Variants in SYNPO observed in about 807,000 individuals in gnomAD.
The protein encoded by SYNPO is synaptopodin.
SYNPO carries 19 observed loss-of-function variants against 49.5 expected under a neutral mutation model. That is an observed-to-expected ratio of 0.38 (90% CI 0.27 to 0.56). The LOEUF is 0.56. Among genes scored for constraint, SYNPO ranks in the 20% least tolerant of loss-of-function variants. The pLI is 0.68. For missense variants in SYNPO, 1,131 were observed against 1,248.3 expected, an observed-to-expected ratio of 0.91 and a Z score of 1.42; for synonymous variants, 536 against 548.0, an observed-to-expected ratio of 0.98 and a Z score of 0.31.
At chr5:150,621,014 A>T (rs1327060458) in intron 2 of SYNPO, among the ~76,000 whole-genome samples, 2 of 136,032 alleles carry the variant, frequency 1.5e-5, no homozygotes, top group Non-Finnish European at 1.5e-5. Context: ...GTGCAGTGGC[A>T]TGATCTCGGC....
chr5:150,603,975 C>T (rs1756622617), intron 1 of SYNPO, among the ~76,000 whole-genome samples: 1 of 152,212 alleles, frequency 6.6e-6, no homozygotes, highest in Non-Finnish European at 1.5e-5. Flanking sequence ...AGTTGGGCTT[C>T]CTGGAGATGG....
chr5:150,613,895 C>G (rs1299836778), intron 1 of SYNPO, among the ~76,000 whole-genome samples: 1 of 152,218 alleles, frequency 6.6e-6, no homozygotes, highest in Non-Finnish European at 1.5e-5. Context: ...CACTCCCTTT[C>G]CCTTCTTCTA....
At chr5:150,615,540 C>T (rs1385357401) in intron 1 of SYNPO, among the ~76,000 whole-genome samples, 1 of 152,216 alleles carries the variant, frequency 6.6e-6, no homozygotes, top group East Asian at 1.9e-4. Flanking sequence ...CACAGTTGGA[C>T]GGATCCTCCA....
upstream of SYNPO, among the ~76,000 whole-genome samples, chr5:150,600,815 C>T (rs1756507908): frequency 6.6e-6 from 1 of 152,030 alleles, no homozygotes; most frequent in African/African-American, 2.4e-5. Flanking sequence ...GGGGCTTTTT[C>T]TTCAGGTTTT....
At chr5:150,628,979 C>T (rs542659296) in intron 2 of SYNPO, among the ~76,000 whole-genome samples, 4 of 152,280 alleles carry the variant, frequency 2.6e-5, no homozygotes, top group East Asian at 3.9e-4. Flanking sequence ...GTATAAGTTA[C>T]TTTTTGATGT....
intron 1 of SYNPO, chr5:150,618,070 C>T (rs748780689): frequency 2.4e-4 from 72 of 300,544 alleles, no homozygotes; most frequent in Non-Finnish European, 3.4e-4. Flanking sequence ...CGAGCTTTCT[C>T]ATGTGCTGTT....
chr5:150,596,287 C>A (rs1756423234), upstream of SYNPO, among the ~76,000 whole-genome samples: 1 of 152,122 alleles, frequency 6.6e-6, no homozygotes, highest in South Asian at 2.1e-4. Flanking sequence ...AGATAGGAGA[C>A]CTGGAATTCT....
upstream of SYNPO, among the ~76,000 whole-genome samples, chr5:150,600,694 G>A (rs1309611559): frequency 6.6e-6 from 1 of 152,134 alleles, no homozygotes; most frequent in African/African-American, 2.4e-5. Context: ...CGGGTGGTGG[G>A]AAGTGCTGTG....
chr5:150,605,880 G>T (rs1187812727), intron 1 of SYNPO, among the ~76,000 whole-genome samples: 1 of 151,506 alleles, frequency 6.6e-6, no homozygotes, highest in Non-Finnish European at 1.5e-5. Flanking sequence ...AATACACACA[G>T]ACAGATATAC....
chr5:150,635,714 C>T (rs1480181131), upstream of SYNPO, among the ~76,000 whole-genome samples: 3 of 152,166 alleles, frequency 2.0e-5, no homozygotes, highest in Admixed American at 6.5e-5. Flanking sequence ...CTGCCCGCCT[C>T]GGCCTCCCAA....
chr5:150,613,609 G>A (rs1756908349), intron 1 of SYNPO, among the ~76,000 whole-genome samples: 1 of 152,154 alleles, frequency 6.6e-6, no homozygotes, highest in Non-Finnish European at 1.5e-5. Context: ...CCACACTCTA[G>A]GACAATGGAT....
At chr5:150,634,157 G>A (rs1185821593) in intron 2 of SYNPO, among the ~76,000 whole-genome samples, 2 of 152,100 alleles carry the variant, frequency 1.3e-5, no homozygotes, top group African/African-American at 2.4e-5. Flanking sequence ...GAACCCCTTC[G>A]GGAGCCTGTT....
In SYNPO at chr5:150,649,535, C is replaced by G. The variant is rs939618271; in HGVS notation, c.1260C>G (p.Pro420=). 6.2e-7 allele frequency: 1 copy of G among 1,610,926 alleles called. No homozygotes were observed. The highest frequency in any genetic ancestry group is 1.1e-5 in the South Asian group (1 of 90,748). The change falls in exon 2 of 3, where the codon CCC becomes CCG. Residue 420 remains proline, a synonymous_variant. Coordinates refer to ENST00000307662, the MANE Select transcript of SYNPO (RefSeq NM_007286.6). ...DQGEVGVEEE[P]FALGAEASNF... is the part of the protein sequence containing the mutation. Reference sequence around the variant, plus strand: ...GGGAGGTAGGCGTGGAGGAGGAGCCCTTCGCACTGGGGGCCGAGGCCTCCA... The same window carrying G: ...GGGAGGTAGGCGTGGAGGAGGAGCCGTTCGCACTGGGGGCCGAGGCCTCCA...
rs920300891 is a variant in SYNPO at position 150,650,919 on chromosome 5, G to T, written c.2028+616G>T. On this transcript the variant is annotated intron_variant, in intron 2 of 2. Transcript: ENST00000307662. ...CCGCTGCTTCAGAGAGCTTTGCCTC[G>T]CCTCCGCCTGCGCTCCCCTCCAGGG... 9 of 1,254,904 alleles carry T rather than the reference G, an allele frequency of 7.2e-6. No homozygotes were observed. The East Asian group carries it at 2.8e-4, about 39-fold the overall frequency. The allele number at this position is 1,254,904 out of a possible 1,614,324, so 77.7% of individuals were successfully genotyped here.
chr5:150,609,360 T>G (rs184679764), intron 1 of SYNPO, among the ~76,000 whole-genome samples: 1 of 152,344 alleles, frequency 6.6e-6, no homozygotes, highest in East Asian at 1.9e-4. Context: ...AATGGCTCTA[T>G]CTCGGCTCAC....
upstream of SYNPO, among the ~76,000 whole-genome samples, chr5:150,636,829 G>T (rs1017143150): frequency 6.6e-6 from 1 of 152,056 alleles, no homozygotes; most frequent in Admixed American, 6.6e-5. Flanking sequence ...GATGGGGTTG[G>T]ACTGTGTCTG....
intron 2 of SYNPO, chr5:150,651,910 C>T: frequency 1.0e-6 from 1 of 1,000,498 alleles, no homozygotes; most frequent in Non-Finnish European, 1.2e-6. Context: ...AATACAGACA[C>T]AAGTGGCAGG....
At chr5:150,622,780 C>T (rs1322244925) in intron 2 of SYNPO, among the ~76,000 whole-genome samples, 1 of 152,226 alleles carries the variant, frequency 6.6e-6, no homozygotes, top group African/African-American at 2.4e-5. Context: ...GCCTACTCCC[C>T]CTCCACTCCC....
chr5:150,650,946 C>T, intron 2 of SYNPO: 1 of 1,256,782 alleles, frequency 8.0e-7, no homozygotes, highest in Non-Finnish European at 1.0e-6. Context: ...CCTCCAGGGT[C>T]CTTCTGCTGG....
Sources: allele counts gnomAD v4.1 joint callset (sites outside exome capture counted in the v4.1 genomes callset), GRCh38; gene constraint gnomAD v4.1.1; transcripts MANE v1.5; gene names NCBI Gene and HGNC (gene_info 2026-07-23, HGNC 2026-07-21).